Variants in CYTH3 observed in about 807,000 individuals in gnomAD.
CYTH3 encodes the protein cytohesin 3, also known as cytohesin-3.
Under a neutral mutation model 55.1 loss-of-function variants are expected in CYTH3, and 23 were observed. The ratio of observed to expected loss-of-function variants is 0.42; its 90% CI spans 0.30 to 0.59. CYTH3 has a LOEUF of 0.59. Ranked by LOEUF, CYTH3 falls within the 20% of genes least tolerant of loss-of-function variation. The pLI, the probability that CYTH3 is intolerant of heterozygous loss-of-function variation, is 0.20. For synonymous variants in CYTH3, 249 were observed against 194.9 expected, an observed-to-expected ratio of 1.28 and a Z score of -2.31; for missense variants, 413 against 524.8, an observed-to-expected ratio of 0.79 and a Z score of 2.08.
At position 6,164,037 on chromosome 7, in the gene CYTH3, A is replaced by C. The variant is rs1583721178; in HGVS notation, c.*907T>G. Reference sequence around the variant, plus strand: ...AGGAGTTAGCAGTTACAGCCTAAACACCCCCAAACCATTAACTGTTATAAT... The same window carrying C: ...AGGAGTTAGCAGTTACAGCCTAAACCCCCCCAAACCATTAACTGTTATAAT... On this transcript the variant is annotated 3_prime_UTR_variant, in exon 13 of 13. Coordinates refer to ENST00000350796, the MANE Select transcript of CYTH3 (RefSeq NM_004227.4). 6.6e-6 allele frequency: 1 copy of C among 152,014 alleles called. No homozygotes were observed. Among genetic ancestry groups the C allele is most frequent in the Admixed American group, 6.6e-5 (1 of 15,244 alleles). The allele number at this position is 152,014 out of a possible 1,614,324, so 9.4% of individuals were successfully genotyped here.
intron 1 of CYTH3, among the ~76,000 whole-genome samples, chr7:6,223,836 TAAAAAAAAAAAAA>T (rs58813864): frequency 4.5e-4 from 11 of 24,316 alleles, no homozygotes; most frequent in Admixed American, 2.6e-3. Context: ...CAATAAATAC[TAAAAAAAAAAAAA>T]AAAAAAAAAA....
chr7:6,198,892 T>C (rs1783999331), intron 1 of CYTH3, among the ~76,000 whole-genome samples: 1 of 151,974 alleles, frequency 6.6e-6, no homozygotes, highest in Admixed American at 6.6e-5. Flanking sequence ...CCAGACACGC[T>C]AGGAAAGGGT....
Position 6,240,800 on chromosome 7 carries a change from C to T in CYTH3, c.34+31674G>A, listed in dbSNP as rs565806728. On this transcript the variant is annotated intron_variant, in intron 1 of 12. Transcript: ENST00000350796. ...GAATGGCCTTCCATTCTAAGTGTGA[C>T]TCATAATTTAGGTGTGAAAAAAGAA... Among the ~76,000 whole-genome samples the T allele has an allele frequency of 7.9e-5, 12 of 152,072 alleles. No individual in the cohort carries two copies. In the South Asian group the frequency reaches 1.9e-3, roughly 24 times the overall value.
chr7:6,267,035 G>A (rs1780514381), intron 1 of CYTH3, among the ~76,000 whole-genome samples: 2 of 152,196 alleles, frequency 1.3e-5, no homozygotes, highest in South Asian at 2.1e-4. Flanking sequence ...CCTTGCAATA[G>A]TGAGTGAGGA....
chr7:6,217,570 A>T (rs1003838931), intron 1 of CYTH3, among the ~76,000 whole-genome samples: 2 of 152,228 alleles, frequency 1.3e-5, no homozygotes, highest in Non-Finnish European at 2.9e-5. Context: ...TCCAGCAACA[A>T]CAGAGCTGAG....
At position 6,169,453 on chromosome 7, in the gene CYTH3, C is replaced by G. The variant is rs1783107710; in HGVS notation, c.823+1082G>C. Reference sequence around the variant, plus strand: ...TCTGAAGCTCCTGGCCTAAGCAATCCTCCCACCTCAGCCTCCCAAAGCACT... The same window carrying G: ...TCTGAAGCTCCTGGCCTAAGCAATCGTCCCACCTCAGCCTCCCAAAGCACT... On this transcript the variant is annotated intron_variant, in intron 9 of 12. Coordinates refer to ENST00000350796, the MANE Select transcript of CYTH3 (RefSeq NM_004227.4). This position sits in a 1 kb window ranked among gnomAD's most constrained non-coding sequence, Gnocchi z 4.1. Among the ~76,000 whole-genome samples, 4 of 152,154 alleles carry G rather than the reference C, an allele frequency of 2.6e-5. No homozygotes were observed. Among genetic ancestry groups the G allele is most frequent in the Non-Finnish European group, 4.4e-5 (3 of 68,040 alleles).
intron 4 of CYTH3, among the ~76,000 whole-genome samples, chr7:6,184,040 C>G (rs897051555): frequency 2.7e-5 from 4 of 149,238 alleles, no homozygotes; most frequent in South Asian, 2.1e-4. Context: ...TTACGCACCC[C>G]CTCTGTGGCT....
chr7:6,178,238 A>G (rs561545390), intron 4 of CYTH3, among the ~76,000 whole-genome samples: 180 of 152,360 alleles, frequency 1.2e-3, no homozygotes, highest in African/African-American at 4.1e-3. Context: ...AGTAACAGTA[A>G]TATTAGATTT....
chr7:6,172,446 C>T (rs958365900), intron 6 of CYTH3, among the ~76,000 whole-genome samples: 2 of 152,096 alleles, frequency 1.3e-5, no homozygotes, highest in Non-Finnish European at 2.9e-5. Flanking sequence ...GCCCACCCCA[C>T]AGCAGTGATG....
Position 6,259,796 on chromosome 7 carries a change from T to TA in CYTH3, c.34+12677dup, listed in dbSNP as rs1406901025. Among the ~76,000 whole-genome samples the TA allele has an allele frequency of 2.8e-3, 61 of 21,816 alleles. 1 individual carries two copies. Among genetic ancestry groups the TA allele is most frequent in the African/African-American group, 0.014 (29 of 2,064 alleles). The allele number at this position is 21,816 out of a possible 152,430, so 14.3% of individuals were successfully genotyped here. On this transcript the variant is annotated intron_variant, in intron 1 of 12. Coordinates refer to ENST00000350796, the MANE Select transcript of CYTH3 (RefSeq NM_004227.4). ...ATTATATATATATAATATATATATA[T>TA]ATATATATATATATATAATATATAT...
At chr7:6,213,146 C>T (rs1257967945) in intron 1 of CYTH3, among the ~76,000 whole-genome samples, 4 of 152,198 alleles carry the variant, frequency 2.6e-5, no homozygotes, top group Non-Finnish European at 4.4e-5. Context: ...TTCCCAGCAC[C>T]AAGAACCGTG....
chr7:6,271,746 G>C (rs1041042346), intron 1 of CYTH3, among the ~76,000 whole-genome samples: 8 of 152,098 alleles, frequency 5.3e-5, no homozygotes, highest in Admixed American at 2.0e-4. Context: ...CGACCCACTC[G>C]GGAGCACACC....
At chr7:6,206,750 C>A (rs1309289331) in intron 1 of CYTH3, among the ~76,000 whole-genome samples, 5 of 152,058 alleles carry the variant, frequency 3.3e-5, no homozygotes, top group Admixed American at 6.5e-5. Context: ...TGCTAACTGC[C>A]CTAGGATGAC....
chr7:6,193,268 G>A (rs548723865), intron 1 of CYTH3, among the ~76,000 whole-genome samples: 1 of 151,176 alleles, frequency 6.6e-6, no homozygotes, highest in Non-Finnish European at 1.5e-5. Flanking sequence ...TCTCTTAATA[G>A]TCAAGGAAAT....
In CYTH3 at chr7:6,170,463, T is replaced by G; in HGVS notation, c.823+72A>C. On this transcript the variant is annotated intron_variant, in intron 9 of 12. Coordinates refer to ENST00000350796, the MANE Select transcript of CYTH3 (RefSeq NM_004227.4). The surrounding 1 kb of genome is among the most constrained non-coding windows in gnomAD (Gnocchi z 7.8). ...GTGGGGGGCATTCCTACGATGAGCC[T>G]GGGAGGAACCCGAGGGGCTGCTGCC... 1 of 1,425,544 alleles carries G rather than the reference T, an allele frequency of 7.0e-7. No individual in the cohort carries two copies. Among genetic ancestry groups the G allele is most frequent in the Non-Finnish European group, 9.7e-7 (1 of 1,029,644 alleles). The allele number at this position is 1,425,544 out of a possible 1,614,324, so 88.3% of individuals were successfully genotyped here.
chr7:6,259,821 T>TA lies in CYTH3; in HGVS notation c.34+12652dup, dbSNP rs1409826563. Among the ~76,000 whole-genome samples, 8 of 26,602 alleles carry TA rather than the reference T, an allele frequency of 3.0e-4. 2 individuals carry two copies. The highest frequency in any genetic ancestry group is 2.3e-3 in the African/African-American group (6 of 2,564). 17.5% of individuals were successfully genotyped at this position (26,602 alleles called of 152,430 possible). ...TATATATATATATATATAATATATA[T>TA]ATATATATATATTTTTTTTTTTTTT... On this transcript the variant is annotated intron_variant, in intron 1 of 12. Coordinates refer to ENST00000350796, the MANE Select transcript of CYTH3 (RefSeq NM_004227.4).
intron 9 of CYTH3, among the ~76,000 whole-genome samples, chr7:6,166,034 C>T (rs1782992551): frequency 6.6e-6 from 1 of 152,216 alleles, no homozygotes; most frequent in South Asian, 2.1e-4. Context: ...CTTGATGACA[C>T]AACCGCGCTA....
In CYTH3 at chr7:6,218,089, G is replaced by A. The variant is rs576983440; in HGVS notation, c.35-27558C>T. ...TTCCAGCTATTCAGGAGGCTGAGGT[G>A]GGAGACTTGAGCCGGGGAGGTGGGA... On this transcript the variant is annotated intron_variant, in intron 1 of 12. Coordinates refer to ENST00000350796, the MANE Select transcript of CYTH3 (RefSeq NM_004227.4). Among the ~76,000 whole-genome samples, 34 of 152,068 alleles carry A rather than the reference G, an allele frequency of 2.2e-4. No individual in the cohort carries two copies. In the South Asian group the frequency reaches 7.1e-3, roughly 32 times the overall value.
chr7:6,190,619 C>T (rs149613930), intron 1 of CYTH3, 88 bp from the exon 2 acceptor site: 16,953 of 957,896 alleles, frequency 0.018, 228 homozygotes, highest in Middle Eastern at 0.079. Context: ...TGCCACCCAG[C>T]AATTCCATAC....
Sources: gnomAD v4.1 joint callset for allele counts (sites outside exome capture counted in the v4.1 genomes callset) on GRCh38, gnomAD v4.1.1 for gene constraint, Gnocchi (gnomAD v3.1) non-coding constraint, MANE v1.5 for transcripts, NCBI Gene and HGNC (gene_info 2026-07-23, HGNC 2026-07-21) for gene names.